AK8: variants seen among roughly 807,000 people sequenced by gnomAD.
The protein encoded by AK8 is ATP-AMP transphosphorylase 8.
Under a neutral mutation model 54.6 loss-of-function variants are expected in AK8, and 44 were observed. The ratio of observed to expected loss-of-function variants is 0.81; its 90% CI spans 0.63 to 1.04. The LOEUF is 1.04. AK8 is among the 50% of genes least tolerant of loss of function. AK8 has a pLI of 0.00. For synonymous variants in AK8, 239 were observed against 245.6 expected, an observed-to-expected ratio of 0.97 and a Z score of 0.25; for missense variants, 555 against 613.6, an observed-to-expected ratio of 0.90 and a Z score of 1.01.
intron 11 of AK8, among the ~76,000 whole-genome samples, chr9:132,739,156 T>A (rs1837250276): frequency 6.6e-6 from 1 of 151,754 alleles, no homozygotes; most frequent in African/African-American, 2.4e-5. Flanking sequence ...ACATTAAGAA[T>A]GATTATTTCT....
At chr9:132,729,617 C>T (rs458738) in intron 11 of AK8, among the ~76,000 whole-genome samples, 2,394 of 152,308 alleles carry the variant, frequency 0.016, 63 homozygotes, top group African/African-American at 0.055. Context: ...CAAGTGCTGG[C>T]TGTGTCTCGG....
chr9:132,852,710 C>T (rs1198965842), intron 5 of AK8, among the ~76,000 whole-genome samples: 2 of 128,198 alleles, frequency 1.6e-5, no homozygotes, highest in Non-Finnish European at 3.1e-5. Context: ...GCAGAGGTTG[C>T]AGTGAGCCGA....
chr9:132,858,156 G>A lies in AK8; in HGVS notation c.334-3231C>T, dbSNP rs941827353. Among the ~76,000 whole-genome samples the A allele has an allele frequency of 3.0e-4, 46 of 152,324 alleles. 1 individual carries two copies. The highest frequency in any genetic ancestry group is 2.5e-3 in the Admixed American group (38 of 15,302). ...ACCCAGTTGCTCCCGTGCTGCTTCC[G>A]TGCACTTAAGGGCAGGACAGGCTGT... is the stretch of plus-strand genomic sequence containing the variant. On this transcript the variant is annotated intron_variant, in intron 4 of 12. Transcript: ENST00000298545.
Position 132,749,955 on chromosome 9 carries a change from T to C in AK8, c.1122-22421A>G, listed in dbSNP as rs116530943. Among the ~76,000 whole-genome samples the C allele has an allele frequency of 4.1e-3, 602 of 145,472 alleles. 6 individuals are homozygous for C. Among genetic ancestry groups the C allele is most frequent in the African/African-American group, 9.8e-3 (367 of 37,640 alleles). ...CCCAACCTCCTTCCTCTGTCTTCCT[T>C]ACCTCGAGATACTGACAGCACACTC... On this transcript the variant is annotated intron_variant, in intron 11 of 12. Transcript: ENST00000298545.
At chr9:132,853,783 C>CAAAAAAAAAAAA (rs71376669) in intron 5 of AK8, among the ~76,000 whole-genome samples, 12 of 42,600 alleles carry the variant, frequency 2.8e-4, no homozygotes, top group Non-Finnish European at 5.1e-4. Flanking sequence ...GACTCTGCCT[C>CAAAAAAAAAAAA]AAAAAAAAAA....
chr9:132,846,825 C>T (rs1336845424), intron 5 of AK8, among the ~76,000 whole-genome samples: 1 of 152,236 alleles, frequency 6.6e-6, no homozygotes, highest in Non-Finnish European at 1.5e-5. Flanking sequence ...TGCCGCTTCC[C>T]CCGGTGTGGC....
At chr9:132,802,632 C>T (rs1840516955) in intron 10 of AK8, among the ~76,000 whole-genome samples, 2 of 152,150 alleles carry the variant, frequency 1.3e-5, no homozygotes, top group Non-Finnish European at 2.9e-5. Flanking sequence ...CCGGGCATGG[C>T]GATGAAGAAT....
chr9:132,739,336 G>A (rs1450065982), intron 11 of AK8, among the ~76,000 whole-genome samples: 1 of 149,828 alleles, frequency 6.7e-6, no homozygotes, highest in Non-Finnish European at 1.5e-5. Flanking sequence ...CAGCTACTTG[G>A]GAGACTGAGG....
chr9:132,802,675 C>T (rs895190507), intron 10 of AK8, among the ~76,000 whole-genome samples: 18 of 152,168 alleles, frequency 1.2e-4, no homozygotes, highest in Admixed American at 5.2e-4. Flanking sequence ...GCAGATGCAA[C>T]GTGGAGAAAA....
rs1416276910 is a variant in AK8 at position 132,854,980 on chromosome 9, G to C, written c.334-55C>G. 52 of 1,590,054 alleles carry C rather than the reference G, an allele frequency of 3.3e-5. No homozygotes were observed. The East Asian group carries it at 1.1e-3, about 34-fold the overall frequency. ...GCCCAAACCTGCTTCCTGCAGCTCA[G>C]GACACAGACCAGCACACACCCTTCA... On this transcript the variant is annotated intron_variant, in intron 4 of 12. Coordinates refer to ENST00000298545, the MANE Select transcript of AK8 (RefSeq NM_152572.3).
chr9:132,733,928 C>T (rs575396752), intron 11 of AK8, among the ~76,000 whole-genome samples: 1 of 152,044 alleles, frequency 6.6e-6, no homozygotes, highest in Non-Finnish European at 1.5e-5. Context: ...TGGATGCTTC[C>T]GGAAGGGAGG....
At chr9:132,736,646 A>G (rs1054165451) in intron 11 of AK8, among the ~76,000 whole-genome samples, 2 of 151,330 alleles carry the variant, frequency 1.3e-5, no homozygotes, top group Admixed American at 6.6e-5. Context: ...TTAGCCAGGC[A>G]TGGTGGTGGG....
chr9:132,816,267 T>C (rs1046098785), intron 9 of AK8, among the ~76,000 whole-genome samples: 4 of 151,700 alleles, frequency 2.6e-5, no homozygotes, highest in Non-Finnish European at 4.4e-5. Flanking sequence ...GGCAGGAGAA[T>C]TGCTTGAGCC....
intron 2 of AK8, among the ~76,000 whole-genome samples, chr9:132,870,610 C>A (rs574534167): frequency 6.6e-6 from 1 of 152,248 alleles, no homozygotes; most frequent in Admixed American, 6.5e-5. Flanking sequence ...GCCTTTCTGG[C>A]GGCGAAGGGG....
At position 132,814,615 on chromosome 9, in the gene AK8, CAGTT is replaced by C. The variant is rs1423998930; in HGVS notation, c.979+19_979+22del. ...CTCTCTGGAGCCTGTAAGGTCATGACAGTTAGTGGGAACGTGGCCTACCTGCCAT... is the reference window on the plus strand; with the variant it reads ...CTCTCTGGAGCCTGTAAGGTCATGACAGTGGGAACGTGGCCTACCTGCCAT... On this transcript the variant is annotated intron_variant, in intron 10 of 12. Transcript: ENST00000298545. 4.3e-6 allele frequency: 7 copies of C among 1,609,932 alleles called. No homozygotes were observed. The highest frequency in any genetic ancestry group is 2.2e-5 in the South Asian group (2 of 90,726).
Position 132,803,390 on chromosome 9 carries a change from C to T in AK8, c.980-10615G>A, listed in dbSNP as rs538669468. ...GGGAAATAAATAAATATAAAAAATC[C>T]CCCATATATAAAATATATTCACACC... On this transcript the variant is annotated intron_variant, in intron 10 of 12. Transcript: ENST00000298545. This position sits in a 1 kb window ranked among gnomAD's most constrained non-coding sequence, Gnocchi z 4.4. Among the ~76,000 whole-genome samples the T allele has an allele frequency of 2.2e-5, 3 of 137,904 alleles. No individual in the cohort carries two copies. Among genetic ancestry groups the T allele is most frequent in the South Asian group, 2.3e-4 (1 of 4,328 alleles). The allele number at this position is 137,904 out of a possible 152,430, so 90.5% of individuals were successfully genotyped here. A position where few individuals can be genotyped will look rare whatever the true frequency, so the allele number is the denominator to read the frequency against.
chr9:132,830,345 T>C (rs1842054921), intron 5 of AK8, among the ~76,000 whole-genome samples: 1 of 152,222 alleles, frequency 6.6e-6, no homozygotes, highest in African/African-American at 2.4e-5. Flanking sequence ...TTTTGATACA[T>C]TTTGCCACAT....
intron 5 of AK8, among the ~76,000 whole-genome samples, chr9:132,829,118 G>A (rs888239241): frequency 6.6e-6 from 1 of 151,870 alleles, no homozygotes; most frequent in African/African-American, 2.4e-5. Flanking sequence ...CACCACACCC[G>A]GCTAATTTTT....
At chr9:132,858,182 G>T (rs1336474336) in intron 4 of AK8, among the ~76,000 whole-genome samples, 4 of 152,222 alleles carry the variant, frequency 2.6e-5, no homozygotes, top group Admixed American at 2.6e-4. Context: ...GACAGGCTGT[G>T]TTTGCTGCAA....
Sources: allele counts gnomAD v4.1 joint callset (sites outside exome capture counted in the v4.1 genomes callset), GRCh38; gene constraint gnomAD v4.1.1; non-coding constraint Gnocchi (gnomAD v3.1); transcripts MANE v1.5; gene names NCBI Gene and HGNC (gene_info 2026-07-23, HGNC 2026-07-21).